Variants in PLXNA4 observed in about 807,000 individuals in gnomAD.
PLXNA4 encodes the protein plexin A4.
PLXNA4 carries 44 observed loss-of-function variants against 191.8 expected under a neutral mutation model. That is an observed-to-expected ratio of 0.23 (90% CI 0.18 to 0.29). The LOEUF is 0.29. Among genes scored for constraint, PLXNA4 ranks in the 10% least tolerant of loss-of-function variants. The probability of loss-of-function intolerance (pLI) is 1.00; values close to 1 mark genes in which losing one functional copy is unlikely to be tolerated. For synonymous variants in PLXNA4, 1,082 were observed against 1,009.5 expected (o/e 1.07, Z -1.36); for missense variants, 1,800 against 2,488.8 (o/e 0.72, Z 5.89).
rs748818204 is a variant in PLXNA4 at position 132,298,370 on chromosome 7, G to C, written c.1372-148C>G. ...ACAGGCTAAAGCCAAGGAGTGGAGT[G>C]ACATAAGCTCACCAAGGGCCTCAGG... On this transcript the variant is annotated intron_variant, in intron 3 of 31. Coordinates refer to ENST00000321063, the MANE Select transcript of PLXNA4 (RefSeq NM_020911.2). 18 of 1,110,044 alleles carry C rather than the reference G, an allele frequency of 1.6e-5. No homozygotes were observed. The Middle Eastern group carries it at 1.2e-3, about 75-fold the overall frequency. 68.8% of individuals were successfully genotyped at this position (1,110,044 alleles called of 1,614,324 possible). A position where few individuals can be genotyped will look rare whatever the true frequency, so the allele number is the denominator to read the frequency against.
chr7:132,590,442 G>C (rs1216779655), intron 2 of PLXNA4, among the ~76,000 whole-genome samples: 1 of 152,216 alleles, frequency 6.6e-6, no homozygotes, highest in Non-Finnish European at 1.5e-5. Context: ...CCATCTGCAA[G>C]TTGAGGAGCA....
intron 2 of PLXNA4, among the ~76,000 whole-genome samples, chr7:132,608,447 C>T (rs1306733096): frequency 1.3e-5 from 2 of 152,134 alleles, no homozygotes; most frequent in South Asian, 2.1e-4. Flanking sequence ...TCACTGCACT[C>T]GAGGAACACT....
chr7:132,326,283 A>T (rs905680008), intron 3 of PLXNA4, among the ~76,000 whole-genome samples: 1 of 152,230 alleles, frequency 6.6e-6, no homozygotes, highest in Non-Finnish European at 1.5e-5. Flanking sequence ...TGCCAACTCC[A>T]GATGAGGGAA....
chr7:132,260,578 C>T (rs572859185), intron 4 of PLXNA4, among the ~76,000 whole-genome samples: 1 of 152,110 alleles, frequency 6.6e-6, no homozygotes, highest in East Asian at 1.9e-4. Flanking sequence ...TGCTCACTAC[C>T]TGGGTGGTGG....
At chr7:132,404,300 C>T (rs1359580404) in intron 3 of PLXNA4, among the ~76,000 whole-genome samples, 1 of 152,210 alleles carries the variant, frequency 6.6e-6, no homozygotes. Context: ...TCCAAAGACC[C>T]CTTTTCCTAG....
chr7:132,633,472 AG>A (rs1803533123), intron 2 of PLXNA4, among the ~76,000 whole-genome samples: 1 of 151,998 alleles, frequency 6.6e-6, no homozygotes, highest in Admixed American at 6.6e-5. Flanking sequence ...TAGTAGAGAC[AG>A]GGTTTCACCA....
At chr7:132,610,256 TG>T (rs1397647679) in intron 2 of PLXNA4, among the ~76,000 whole-genome samples, 6 of 152,186 alleles carry the variant, frequency 3.9e-5, no homozygotes, top group Admixed American at 3.9e-4. Context: ...GGGGAATTTC[TG>T]GGAAGATGGG....
intron 1 of PLXNA4, among the ~76,000 whole-genome samples, chr7:132,564,246 CCTTCTG>C (rs1455580795): frequency 2.8e-5 from 4 of 141,958 alleles, no homozygotes; most frequent in African/African-American, 1.1e-4. Flanking sequence ...TCCTCCTCCT[CCTTCTG>C]CTTCTCCTCC....
intron 3 of PLXNA4, among the ~76,000 whole-genome samples, chr7:132,381,199 G>A (rs1301236862): frequency 1.3e-5 from 2 of 152,138 alleles, no homozygotes; most frequent in East Asian, 1.9e-4. Context: ...TTATAGATGG[G>A]GAAACTGAGG....
chr7:132,595,030 CAGACAGACAGACAGAT>C (rs1376203427), intron 2 of PLXNA4, among the ~76,000 whole-genome samples: 49 of 144,670 alleles, frequency 3.4e-4, no homozygotes, highest in African/African-American at 1.2e-3. Context: ...GACAGACAGA[CAGACAGACAGACAGAT>C]AGATAGAGAG....
chr7:132,465,021 G>A (rs561870572), intron 3 of PLXNA4, among the ~76,000 whole-genome samples: 4 of 152,314 alleles, frequency 2.6e-5, no homozygotes, highest in East Asian at 1.9e-4. Flanking sequence ...ACCCAGCCCC[G>A]GGGAGCCCAG....
At chr7:132,587,381 G>A (rs1298266612) in intron 2 of PLXNA4, among the ~76,000 whole-genome samples, 1 of 152,198 alleles carries the variant, frequency 6.6e-6, no homozygotes, top group Non-Finnish European at 1.5e-5. Flanking sequence ...TGTGAGGAAT[G>A]TCTTTCTAAT....
At chr7:132,284,162 G>C (rs893156858) in intron 4 of PLXNA4, among the ~76,000 whole-genome samples, 1 of 152,184 alleles carries the variant, frequency 6.6e-6, no homozygotes, top group Non-Finnish European at 1.5e-5. Flanking sequence ...GGCAGAGTGA[G>C]ACCCTATCTC....
chr7:132,563,180 TC>T (rs1801405536), intron 1 of PLXNA4, among the ~76,000 whole-genome samples: 1 of 40,848 alleles, frequency 2.4e-5, no homozygotes, highest in Non-Finnish European at 5.7e-5. Flanking sequence ...TCCTCCTCCT[TC>T]TCCTTCCTCC....
At chr7:132,308,407 C>T (rs999026442) in intron 3 of PLXNA4, among the ~76,000 whole-genome samples, 2 of 152,176 alleles carry the variant, frequency 1.3e-5, no homozygotes, top group South Asian at 2.1e-4. Context: ...GGGCCACTCC[C>T]ACTCCTAGGA....
chr7:132,603,299 C>G (rs550734135), intron 2 of PLXNA4, among the ~76,000 whole-genome samples: 591 of 8,144 alleles, frequency 0.073, 5 homozygotes, highest in Non-Finnish European at 0.47. Flanking sequence ...ATTAATTCCA[C>G]CCCGGGAAGA....
chr7:132,566,209 C>T (rs1348533400), intron 1 of PLXNA4, among the ~76,000 whole-genome samples: 2 of 152,136 alleles, frequency 1.3e-5, no homozygotes, highest in Non-Finnish European at 2.9e-5. Flanking sequence ...CGTGAATTAC[C>T]AGTATCCCCA....
In PLXNA4 at chr7:132,238,454, T is replaced by C. The variant is rs566126967; in HGVS notation, c.1604+2612A>G. 2.0e-5 allele frequency among the ~76,000 whole-genome samples: 3 copies of C among 152,286 alleles called. No homozygotes were observed. In the East Asian group the frequency reaches 5.8e-4, roughly 29 times the overall value. ...CCAAGGCATGTGAACTTGAGTCCAC[T>C]GATTTCCACTCCAGTAATCTTCCCA... On this transcript the variant is annotated intron_variant, in intron 5 of 31. Coordinates refer to ENST00000321063, the MANE Select transcript of PLXNA4 (RefSeq NM_020911.2).
At chr7:132,607,487 T>C (rs552647882) in intron 2 of PLXNA4, among the ~76,000 whole-genome samples, 2 of 152,116 alleles carry the variant, frequency 1.3e-5, no homozygotes, top group East Asian at 1.9e-4. Flanking sequence ...ACTTTATAGA[T>C]TGAGAGATGG....
Sources: gnomAD v4.1 joint callset for allele counts (sites outside exome capture counted in the v4.1 genomes callset) on GRCh38, gnomAD v4.1.1 for gene constraint, MANE v1.5 for transcripts, NCBI Gene and HGNC (gene_info 2026-07-23, HGNC 2026-07-21) for gene names.